MCM6: variants seen among roughly 807,000 people sequenced by gnomAD.
MCM6 encodes minichromosome maintenance complex component 6.
A neutral mutation model predicts 94.3 loss-of-function variants in MCM6; 46 were observed. The observed-to-expected ratio is 0.49, with a 90% CI of 0.39 to 0.62. MCM6 has a LOEUF of 0.62. Ranked by LOEUF, MCM6 falls within the 20% of genes least tolerant of loss-of-function variation. The pLI is 0.00. For missense variants in MCM6, 865 were observed against 1,017.9 expected (o/e 0.85, Z 2.04); for synonymous variants, 335 against 351.9 (o/e 0.95, Z 0.54).
chr2:135,857,849 C>T, intron 10 of MCM6, 48 bp downstream of exon 10: 4 of 1,500,228 alleles, frequency 2.7e-6, no homozygotes, highest in Non-Finnish European at 3.7e-6. Flanking sequence ...CTACATTAAT[C>T]AACAAGGCTA....
intron 1 of MCM6, among the ~76,000 whole-genome samples, chr2:135,875,199 C>G (rs1680272974): frequency 6.6e-6 from 1 of 152,136 alleles, no homozygotes; most frequent in South Asian, 2.1e-4. Flanking sequence ...AACCCCATCT[C>G]TACTAAAATA....
At chr2:135,866,105 C>CA (rs1558761978) in intron 6 of MCM6, 27 bp downstream of exon 6, 7 of 1,611,804 alleles carry the variant, frequency 4.3e-6, no homozygotes, top group Admixed American at 1.7e-5. Flanking sequence ...GTTTCAAAAA[C>CA]AAACAAAAAC....
chr2:135,869,414 A>C (rs1243216872), intron 3 of MCM6, among the ~76,000 whole-genome samples: 3 of 151,234 alleles, frequency 2.0e-5, no homozygotes, highest in Non-Finnish European at 3.0e-5. Context: ...AAAAAAAAAA[A>C]ACAAAAACAG....
chr2:135,862,862 C>T, intron 7 of MCM6, 114 bp from the exon 8 acceptor site: 1 of 1,116,800 alleles, frequency 9.0e-7, no homozygotes. Context: ...TCAGCTAAAG[C>T]AAAGCATAAA....
At chr2:135,869,750 C>G (rs983552928) in intron 3 of MCM6, among the ~76,000 whole-genome samples, 3 of 152,020 alleles carry the variant, frequency 2.0e-5, no homozygotes, top group African/African-American at 4.8e-5. Flanking sequence ...TATTTTCTCC[C>G]TTGATCAATT....
chr2:135,871,360 C>T (rs1230911845), intron 2 of MCM6, among the ~76,000 whole-genome samples: 4 of 152,170 alleles, frequency 2.6e-5, no homozygotes, highest in Admixed American at 6.5e-5. Flanking sequence ...CTGCTGCATG[C>T]TTTCACAATA....
chr2:135,860,131 AT>A (rs769789522), intron 8 of MCM6, among the ~76,000 whole-genome samples: 44 of 149,424 alleles, frequency 2.9e-4, no homozygotes, highest in Non-Finnish European at 4.5e-4. Context: ...TTATTTTTTA[AT>A]TTAATTAATT....
At chr2:135,841,281 T>C (rs967408727) in intron 16 of MCM6, among the ~76,000 whole-genome samples, 3 of 152,078 alleles carry the variant, frequency 2.0e-5, no homozygotes, top group African/African-American at 4.8e-5. Context: ...TGCAAAATCT[T>C]CTAATTAATT....
rs919868667 is a variant in MCM6, at chr2:135,839,784, G to A, written c.*1051C>T. The stretch of plus-strand genomic sequence containing the variant: ...GTTTTAACCTATATTAATCTGTCTT[G>A]CTTTCTACTAATAGATTTCTGGCTG... On this transcript the variant is annotated 3_prime_UTR_variant, in exon 17 of 17. Transcript: ENST00000264156. 6.6e-6 allele frequency: 1 copy of A among 152,144 alleles called. No homozygotes were observed. Among genetic ancestry groups the A allele is most frequent in the African/African-American group, 2.4e-5 (1 of 41,444 alleles). The allele number at this position is 152,144 out of a possible 1,614,324, so 9.4% of individuals were successfully genotyped here.
chr2:135,862,853 C>T, intron 7 of MCM6, 105 bp from the exon 8 acceptor site: 1 of 1,208,280 alleles, frequency 8.3e-7, no homozygotes, highest in Admixed American at 2.2e-5. Context: ...AAGGCAGAGT[C>T]AGCTAAAGCA....
chr2:135,874,737 T>C (rs1558765163), intron 1 of MCM6, among the ~76,000 whole-genome samples: 2 of 152,160 alleles, frequency 1.3e-5, no homozygotes, highest in Non-Finnish European at 2.9e-5. Flanking sequence ...TTAAGTATAA[T>C]GTAAACATTC....
At chr2:135,860,257 C>A (rs1309796288) in intron 8 of MCM6, among the ~76,000 whole-genome samples, 1 of 152,040 alleles carries the variant, frequency 6.6e-6, no homozygotes, top group Non-Finnish European at 1.5e-5. Context: ...TTCAGCCTCT[C>A]GAGTAGCTGG....
At chr2:135,872,649 C>T (rs1179014335) in intron 2 of MCM6, 48 bp downstream of exon 2, 1 of 1,586,106 alleles carries the variant, frequency 6.3e-7, no homozygotes, top group African/African-American at 1.4e-5. Flanking sequence ...AGCTGGCTTC[C>T]CGGATTTCAA....
intron 7 of MCM6, among the ~76,000 whole-genome samples, chr2:135,864,741 T>G (rs1197421939): frequency 1.1e-4 from 16 of 152,202 alleles, no homozygotes; most frequent in Admixed American, 9.8e-4. Context: ...AACTTTGTCA[T>G]CATCCCAAAT....
chr2:135,868,478 T>C (rs1680141193), intron 4 of MCM6, 133 bp downstream of exon 4: 2 of 874,900 alleles, frequency 2.3e-6, no homozygotes, highest in South Asian at 1.7e-5. Flanking sequence ...GGGCTTAACT[T>C]TGTAGTCATT....
intron 7 of MCM6, 138 bp downstream of exon 7, chr2:135,864,875 G>A: frequency 2.0e-6 from 1 of 509,860 alleles, no homozygotes; most frequent in Non-Finnish European, 3.2e-6. Context: ...TCATGTACCT[G>A]TCCTTTTGTA....
intron 1 of MCM6, among the ~76,000 whole-genome samples, chr2:135,874,226 G>A (rs4988148): frequency 3.2e-4 from 49 of 152,332 alleles, no homozygotes; most frequent in African/African-American, 1.2e-3. Context: ...GTGATGTGGT[G>A]GGTAGGTGGG....
Position 135,853,887 on chromosome 2 carries a change from T to A in MCM6, c.1627-972A>T, listed in dbSNP as rs1309535743. Among the ~76,000 whole-genome samples the A allele has an allele frequency of 2.0e-5, 3 of 152,228 alleles. No individual in the cohort carries two copies. In the East Asian group the frequency reaches 5.8e-4, roughly 29 times the overall value. ...GGTATATGGGTGTTCTATGCACTAT[T>A]CCATTTCTTGCAACTTTTCTGTAAG... On this transcript the variant is annotated intron_variant, in intron 11 of 16. Transcript: ENST00000264156.
intron 6 of MCM6, among the ~76,000 whole-genome samples, chr2:135,865,815 A>G (rs1680084432): frequency 6.6e-6 from 1 of 152,214 alleles, no homozygotes; most frequent in African/African-American, 2.4e-5. Context: ...CATTGATGAG[A>G]CAGCCCAGAT....
Sources: gnomAD v4.1 joint callset for allele counts (sites outside exome capture counted in the v4.1 genomes callset) on GRCh38, gnomAD v4.1.1 for gene constraint, MANE v1.5 for transcripts, NCBI Gene and HGNC (gene_info 2026-07-23, HGNC 2026-07-21) for gene names.